Variants in CCDC81 observed in about 807,000 individuals in gnomAD.
The protein encoded by CCDC81 is coiled-coil domain containing 81.
Under a neutral mutation model 83.7 loss-of-function variants are expected in CCDC81, and 79 were observed. The observed-to-expected ratio is 0.94, with a 90% CI of 0.79 to 1.14. The LOEUF (loss-of-function observed/expected upper bound fraction) is 1.14, where lower values mean the gene tolerates loss of function less well. Among genes scored for constraint, CCDC81 ranks in the 50% most tolerant of loss-of-function variants. The pLI is 0.00. For synonymous variants in CCDC81, 252 were observed against 278.1 expected (o/e 0.91, Z 0.93); for missense variants, 791 against 778.1 (o/e 1.02, Z -0.20).
rs1948693538 is a variant in CCDC81 at position 86,414,837 on chromosome 11, A to G, written c.1440A>G (p.Thr480=). The change falls in exon 12 of 15, where the codon ACA becomes ACG. Residue 480 remains threonine, a synonymous_variant. Transcript: ENST00000445632. ...AKFLKDKMEE[T]QCYKRALDAQ... ...TTTTAAAAGATAAGATGGAAGAAAC[A>G]CAGTGTTACAAGAGAGCTTTGGATG... 1 of 1,612,134 alleles carries G rather than the reference A, an allele frequency of 6.2e-7. No homozygotes were observed. Among genetic ancestry groups the G allele is most frequent in the Admixed American group, 1.7e-5 (1 of 59,432 alleles).
chr11:86,418,463 C>T (rs1182227679), intron 13 of CCDC81, among the ~76,000 whole-genome samples: 1 of 152,118 alleles, frequency 6.6e-6, no homozygotes, highest in Admixed American at 6.6e-5. Flanking sequence ...CAGGTGTCCA[C>T]CGACAGATGA....
At chr11:86,379,693 T>C (rs563538987) in intron 1 of CCDC81, among the ~76,000 whole-genome samples, 1 of 152,292 alleles carries the variant, frequency 6.6e-6, no homozygotes, top group East Asian at 1.9e-4. Flanking sequence ...ATAATAAAAA[T>C]AGGCCAGGTG....
intron 3 of CCDC81, 102 bp downstream of exon 3, chr11:86,387,774 T>C (rs540683431): frequency 2.0e-5 from 16 of 792,738 alleles, no homozygotes; most frequent in Non-Finnish European, 3.1e-5. Flanking sequence ...TACCTTCTTA[T>C]TTGAGGAACT....
intron 14 of CCDC81, 78 bp downstream of exon 14, chr11:86,420,131 T>C: frequency 6.6e-7 from 1 of 1,507,316 alleles, no homozygotes; most frequent in African/African-American, 1.4e-5. Flanking sequence ...CTCCACTTGA[T>C]TAGCAGTGGC....
intron 2 of CCDC81, among the ~76,000 whole-genome samples, chr11:86,386,394 T>C (rs1048763170): frequency 6.6e-6 from 1 of 152,186 alleles, no homozygotes; most frequent in Non-Finnish European, 1.5e-5. Flanking sequence ...CCTGGGTGTG[T>C]GTAAGGAAAC....
intron 11 of CCDC81, chr11:86,414,568 A>G (rs1391081006): frequency 4.3e-6 from 2 of 469,570 alleles, no homozygotes; most frequent in Non-Finnish European, 7.5e-6. Context: ...CAGCCTCCCA[A>G]AGTGCTGGGA....
At position 86,412,526 on chromosome 11, in the gene CCDC81, T is replaced by C; in HGVS notation, c.1358T>C (p.Met453Thr). The change falls in exon 11 of 15, where the codon ATG becomes ACG. Residue 453 changes from methionine to threonine, a missense_variant. Met to Thr is a moderately conservative substitution (Grantham distance 81). Transcript: ENST00000445632. ...AAGCAAAGACAATACAGAGAGTTGATGGACCGCCTGGAACAAGTGCAACTC... is the reference window on the plus strand; with the variant it reads ...AAGCAAAGACAATACAGAGAGTTGACGGACCGCCTGGAACAAGTGCAACTC... ...EIKQRQYREL[M>T]DRLEQVQLTE... The C allele has an allele frequency of 1.2e-6, 2 of 1,612,668 alleles. No homozygotes were observed. The highest frequency in any genetic ancestry group is 1.7e-6 in the Non-Finnish European group (2 of 1,179,502).
At chr11:86,387,133 AAGC>A (rs1311478300) in intron 2 of CCDC81, among the ~76,000 whole-genome samples, 1 of 152,246 alleles carries the variant, frequency 6.6e-6, no homozygotes, top group African/African-American at 2.4e-5. Context: ...AGGAATGAGA[AAGC>A]AGAGATTCTC....
At position 86,407,765 on chromosome 11, in the gene CCDC81, G is replaced by A. The variant is rs749681291; in HGVS notation, c.969+64G>A. ...TATACTGATTTTTGTTTCTCAAAGAGAGTTCTGGGAATCTCTCTTCCTTAA... is the reference window on the plus strand; with the variant it reads ...TATACTGATTTTTGTTTCTCAAAGAAAGTTCTGGGAATCTCTCTTCCTTAA... On this transcript the variant is annotated intron_variant, in intron 8 of 14. Transcript: ENST00000445632. 26 of 1,231,202 alleles carry A rather than the reference G, an allele frequency of 2.1e-5. No individual in the cohort carries two copies. The South Asian group carries it at 3.1e-4, about 15-fold the overall frequency. The allele number at this position is 1,231,202 out of a possible 1,614,324, so 76.3% of individuals were successfully genotyped here. A position where few individuals can be genotyped will look rare whatever the true frequency, so the allele number is the denominator to read the frequency against.
chr11:86,422,502 A>AT, intron 14 of CCDC81, 72 bp from the exon 15 acceptor site: 1 of 1,458,174 alleles, frequency 6.9e-7, no homozygotes, highest in Non-Finnish European at 9.5e-7. Context: ...ACCTCCTGCC[A>AT]TACCAGCTTC....
intron 5 of CCDC81, 108 bp from the exon 6 acceptor site, chr11:86,397,512 GC>G: frequency 7.5e-7 from 1 of 1,337,798 alleles, no homozygotes; most frequent in African/African-American, 1.5e-5. Flanking sequence ...AAGAAAGTGG[GC>G]TTATTTCAGA....
At chr11:86,388,210 C>CTCCTTCCCTCCTTCCTTCCT (rs1555190677) in intron 3 of CCDC81, among the ~76,000 whole-genome samples, 2 of 144,296 alleles carry the variant, frequency 1.4e-5, no homozygotes, top group Non-Finnish European at 3.0e-5. Context: ...CCCTCCTTCC[C>CTCCTTCCCTCCTTCCTTCCT]TCCTTCCTTC....
In CCDC81 at chr11:86,415,389, T is replaced by C. The variant is rs1948704877; in HGVS notation, c.1691+76T>C. 10 of 1,140,058 alleles carry C rather than the reference T, an allele frequency of 8.8e-6. No homozygotes were observed. The South Asian group carries it at 1.2e-4, about 14-fold the overall frequency. 70.6% of individuals were successfully genotyped at this position (1,140,058 alleles called of 1,614,324 possible). Reference sequence around the variant, plus strand: ...TTCCTTTATCTCTCTTTTTCCACCCTGTCCCTGCCCCTCATCTTTCTCATA... The same window carrying C: ...TTCCTTTATCTCTCTTTTTCCACCCCGTCCCTGCCCCTCATCTTTCTCATA... On this transcript the variant is annotated intron_variant, in intron 13 of 14. Coordinates refer to ENST00000445632, the MANE Select transcript of CCDC81 (RefSeq NM_001156474.2).
At chr11:86,412,336 C>T in intron 10 of CCDC81, 51 bp from the exon 11 acceptor site, 1 of 1,339,720 alleles carries the variant, frequency 7.5e-7, no homozygotes, top group Non-Finnish European at 1.0e-6. Flanking sequence ...GAATTATTAA[C>T]CTTGTTTTTC....
chr11:86,397,768 T>C (rs376326664), intron 6 of CCDC81, 26 bp downstream of exon 6: 377 of 1,605,530 alleles, frequency 2.3e-4, no homozygotes, highest in Non-Finnish European at 3.0e-4. Context: ...CTGGGTCCAA[T>C]CTGTCACTCT....
At chr11:86,420,183 G>A in intron 14 of CCDC81, 130 bp downstream of exon 14, 2 of 1,015,488 alleles carry the variant, frequency 2.0e-6, no homozygotes, top group East Asian at 2.5e-5. Context: ...TGTATTCCAT[G>A]GGAAATACTG....
At chr11:86,385,363 T>A (rs995825233) in intron 1 of CCDC81, among the ~76,000 whole-genome samples, 3 of 152,034 alleles carry the variant, frequency 2.0e-5, no homozygotes, top group African/African-American at 7.2e-5. Context: ...CCAGCCTGGG[T>A]GACAGAGTGA....
In CCDC81 at chr11:86,397,651, G is replaced by A; in HGVS notation, c.666G>A (p.Leu222=). 3.1e-6 allele frequency: 5 copies of A among 1,613,472 alleles called. No individual in the cohort carries two copies. The highest frequency in any genetic ancestry group is 4.2e-6 in the Non-Finnish European group (5 of 1,179,702). ...AGCTCAAGGAGATGGAAAACAAACTGCCTATGGAGACCCTTGTAGAAGAAT... is the reference window on the plus strand; with the variant it reads ...AGCTCAAGGAGATGGAAAACAAACTACCTATGGAGACCCTTGTAGAAGAAT... ...RIELKEMENK[L]PMETLVEECG... Residue 222 remains leucine (L), a synonymous_variant, in exon 6 of 15, where the codon CTG becomes CTA. Transcript: ENST00000445632.
chr11:86,415,523 AT>A (rs1948707305), intron 13 of CCDC81, among the ~76,000 whole-genome samples: 2 of 152,192 alleles, frequency 1.3e-5, no homozygotes, highest in Non-Finnish European at 2.9e-5. Flanking sequence ...AATTCATTAT[AT>A]GAAGAAAATG....
Sources: gnomAD v4.1 joint callset for allele counts (sites outside exome capture counted in the v4.1 genomes callset) on GRCh38, gnomAD v4.1.1 for gene constraint, MANE v1.5 for transcripts, NCBI Gene and HGNC (gene_info 2026-07-23, HGNC 2026-07-21) for gene names.